Variants in CTNND2 observed in about 807,000 individuals in gnomAD.
The protein encoded by CTNND2 is catenin delta-2.
A neutral mutation model predicts 144.4 loss-of-function variants in CTNND2; 22 were observed. The ratio of observed to expected loss-of-function variants is 0.15; its 90% confidence interval spans 0.11 to 0.22. The LOEUF is 0.22. Among genes scored for constraint, CTNND2 ranks in the 10% least tolerant of loss-of-function variants. The probability of loss-of-function intolerance (pLI) is 1.00; values close to 1 mark genes in which losing one functional copy is unlikely to be tolerated. For synonymous variants in CTNND2, 751 were observed against 695.6 expected, an observed-to-expected ratio of 1.08 and a Z score of -1.25; for missense variants, 1,353 against 1,618.8, an observed-to-expected ratio of 0.84 and a Z score of 2.82.
intron 16 of CTNND2, among the ~76,000 whole-genome samples, chr5:11,047,576 T>C (rs368199818): frequency 1.3e-5 from 2 of 152,208 alleles, no homozygotes; most frequent in African/African-American, 4.8e-5. Flanking sequence ...GACTTTCGTT[T>C]ATCAGCAGGT....
At chr5:11,350,303 C>A (rs1755195369) in intron 8 of CTNND2, among the ~76,000 whole-genome samples, 1 of 151,856 alleles carries the variant, frequency 6.6e-6, no homozygotes, top group Non-Finnish European at 1.5e-5. Context: ...TTGAGACATG[C>A]AAAAAAGTAC....
At chr5:11,431,170 C>CGA (rs1763254727) in intron 3 of CTNND2, among the ~76,000 whole-genome samples, 1 of 152,090 alleles carries the variant, frequency 6.6e-6, no homozygotes, top group Admixed American at 6.5e-5. Context: ...TGGTGGAAAG[C>CGA]ATTCTATTGC....
chr5:11,255,295 C>T (rs188126628), intron 9 of CTNND2, among the ~76,000 whole-genome samples: 2 of 150,924 alleles, frequency 1.3e-5, no homozygotes, highest in East Asian at 3.9e-4. Flanking sequence ...CTTGTCACAT[C>T]GGCCCATTTC....
chr5:11,543,451 T>A (rs539045686), intron 3 of CTNND2, among the ~76,000 whole-genome samples: 1 of 152,318 alleles, frequency 6.6e-6, no homozygotes, highest in South Asian at 2.1e-4. Context: ...GACAACTAGA[T>A]AGTCTGATGG....
At position 11,756,647 on chromosome 5, in the gene CTNND2, TACACACACAC is replaced by T. The variant is rs56310010; in HGVS notation, c.38-24385_38-24376del. Among the ~76,000 whole-genome samples, 10 of 149,594 alleles carry T rather than the reference TACACACACAC, an allele frequency of 6.7e-5. No homozygotes were observed. In the East Asian group the frequency reaches 7.9e-4, roughly 12 times the overall value. On this transcript the variant is annotated intron_variant, in intron 1 of 21. Transcript: ENST00000304623. Reference sequence around the variant, plus strand: ...ACAAATCGATATACACACACATACATACACACACACACACACACACACACACTTAACAGAA... The same window carrying T: ...ACAAATCGATATACACACACATACATACACACACACACACACTTAACAGAA...
rs1737210264 is a variant in CTNND2 at position 11,199,485 on chromosome 5, G to A, written c.1938C>T (p.Arg646=). Residue 646 remains arginine (R), a synonymous_variant, in exon 11 of 22, where the codon CGC becomes CGT. Transcript: ENST00000304623. ...GGIPALVRLL[R]KTTDLEIREL... is the part of the protein sequence containing the mutation. ...CCCGGATCTCCAGGTCAGTCGTCTT[G>A]CGGAGTAACCTCACCAGTGCTGGGA... 1 of 1,614,176 alleles carries A rather than the reference G, an allele frequency of 6.2e-7. No homozygotes were observed. The highest frequency in any genetic ancestry group is 1.3e-5 in the African/African-American group (1 of 75,032).
chr5:11,238,281 A>C (rs940558071), intron 9 of CTNND2, among the ~76,000 whole-genome samples: 32 of 152,154 alleles, frequency 2.1e-4, no homozygotes, highest in Admixed American at 2.1e-3. Flanking sequence ...CCCACAAGCC[A>C]CCAAAGGGCA....
chr5:11,342,428 T>G (rs954435281), intron 9 of CTNND2, among the ~76,000 whole-genome samples: 1 of 152,202 alleles, frequency 6.6e-6, no homozygotes, highest in African/African-American at 2.4e-5. Flanking sequence ...AGCATCAGCA[T>G]TAAAAATGTG....
At chr5:11,692,935 A>G (rs775399184) in intron 2 of CTNND2, among the ~76,000 whole-genome samples, 2 of 152,200 alleles carry the variant, frequency 1.3e-5, no homozygotes, top group Non-Finnish European at 2.9e-5. Flanking sequence ...AGAAAGTCTC[A>G]CTGAGGTATG....
chr5:11,664,140 T>C (rs1057325863), intron 2 of CTNND2, among the ~76,000 whole-genome samples: 2 of 152,204 alleles, frequency 1.3e-5, no homozygotes, highest in Admixed American at 6.6e-5. Context: ...ATAATATAAA[T>C]TGGTTGCTAA....
At chr5:11,177,323 A>C (rs1760572399) in intron 11 of CTNND2, among the ~76,000 whole-genome samples, 1 of 152,166 alleles carries the variant, frequency 6.6e-6, no homozygotes, top group African/African-American at 2.4e-5. Context: ...ATTGATATTC[A>C]ATTATAAAAT....
At chr5:11,075,994 A>C (rs928158872) in intron 16 of CTNND2, among the ~76,000 whole-genome samples, 2 of 152,250 alleles carry the variant, frequency 1.3e-5, no homozygotes, top group African/African-American at 4.8e-5. Flanking sequence ...TAATTCATTC[A>C]GCAACTACAT....
chr5:11,447,643 A>G (rs541277338), intron 3 of CTNND2, among the ~76,000 whole-genome samples: 1 of 152,272 alleles, frequency 6.6e-6, no homozygotes, highest in East Asian at 1.9e-4. Context: ...GAGAGTTGGG[A>G]GACTCAGAGC....
chr5:11,642,954 G>C (rs1489183702), intron 2 of CTNND2, among the ~76,000 whole-genome samples: 1 of 152,144 alleles, frequency 6.6e-6, no homozygotes. Flanking sequence ...GGGTCAGTTA[G>C]AAGTCTGTAG....
intron 1 of CTNND2, among the ~76,000 whole-genome samples, chr5:11,805,760 AG>A (rs1266979927): frequency 6.6e-6 from 1 of 152,186 alleles, no homozygotes; most frequent in Non-Finnish European, 1.5e-5. Flanking sequence ...TAACTCACAT[AG>A]AACATAGATC....
At chr5:11,720,435 G>A (rs1786605131) in intron 2 of CTNND2, among the ~76,000 whole-genome samples, 1 of 152,074 alleles carries the variant, frequency 6.6e-6, no homozygotes, top group Admixed American at 6.6e-5. Flanking sequence ...AAATTTTGAC[G>A]CTTTATCCTA....
At chr5:11,351,659 A>C (rs1755352939) in intron 8 of CTNND2, among the ~76,000 whole-genome samples, 1 of 152,180 alleles carries the variant, frequency 6.6e-6, no homozygotes, top group Non-Finnish European at 1.5e-5. Flanking sequence ...AATAAAATAC[A>C]AGAATCTGGG....
chr5:11,335,683 C>T (rs1024616736), intron 9 of CTNND2, among the ~76,000 whole-genome samples: 3 of 152,142 alleles, frequency 2.0e-5, no homozygotes, highest in African/African-American at 7.2e-5. Context: ...ACACTGACTT[C>T]CTAGGACTAA....
At chr5:11,715,797 G>A (rs1394972820) in intron 2 of CTNND2, among the ~76,000 whole-genome samples, 1 of 152,154 alleles carries the variant, frequency 6.6e-6, no homozygotes. Context: ...GTCAATGTGA[G>A]CTAGTTTAAG....
Sources: gnomAD v4.1 joint callset for allele counts (sites outside exome capture counted in the v4.1 genomes callset) on GRCh38, gnomAD v4.1.1 for gene constraint, MANE v1.5 for transcripts, NCBI Gene and HGNC (gene_info 2026-07-23, HGNC 2026-07-21) for gene names.